Variants in GALM observed in about 807,000 individuals in gnomAD.
GALM encodes aldose 1-epimerase.
A neutral mutation model predicts 37.4 loss-of-function variants in GALM; 43 were observed. That is an observed-to-expected ratio of 1.15 (90% CI 0.90 to 1.48). The LOEUF (loss-of-function observed/expected upper bound fraction) is 1.48, where lower values mean the gene tolerates loss of function less well. Ranked by LOEUF, GALM falls within the 40% of genes most tolerant of loss-of-function variation. The pLI, the probability that GALM is intolerant of heterozygous loss-of-function variation, is 0.00. For synonymous variants in GALM, 199 were observed against 170.6 expected, an observed-to-expected ratio of 1.17 and a Z score of -1.30; for missense variants, 456 against 419.1, an observed-to-expected ratio of 1.09 and a Z score of -0.77.
intron 1 of GALM, among the ~76,000 whole-genome samples, chr2:38,672,224 C>T (rs1211186038): frequency 6.6e-6 from 1 of 152,052 alleles, no homozygotes; most frequent in African/African-American, 2.4e-5. Context: ...TGGCAGAGAG[C>T]GGGAGCTCAG....
At chr2:38,716,217 G>A (rs1666267080) in intron 4 of GALM, among the ~76,000 whole-genome samples, 1 of 152,222 alleles carries the variant, frequency 6.6e-6, no homozygotes. Context: ...TCTGAAAGCT[G>A]TTGATTTGCT....
chr2:38,675,534 T>TG (rs1665230165), intron 1 of GALM, among the ~76,000 whole-genome samples: 2 of 95,192 alleles, frequency 2.1e-5, no homozygotes, highest in African/African-American at 5.3e-5. Flanking sequence ...TTGTTTTTTT[T>TG]TTTTTTTTTT....
At chr2:38,709,933 C>T (rs950533324) in intron 4 of GALM, among the ~76,000 whole-genome samples, 15 of 152,172 alleles carry the variant, frequency 9.9e-5, no homozygotes, top group Middle Eastern at 3.2e-3. Context: ...CTTCTGAGCC[C>T]GACTAGATAA....
chr2:38,703,376 G>T (rs2148444543), intron 4 of GALM, among the ~76,000 whole-genome samples: 1 of 151,384 alleles, frequency 6.6e-6, no homozygotes, highest in South Asian at 2.1e-4. Context: ...AAAATGCTGG[G>T]ATTACAAGCG....
At position 38,713,334 on chromosome 2, in the gene GALM, G is replaced by C. The variant is rs114152099; in HGVS notation, c.635-16222G>C. On this transcript the variant is annotated intron_variant, in intron 4 of 6. Coordinates refer to ENST00000272252, the MANE Select transcript of GALM (RefSeq NM_138801.3). ...CATACTAGAGCAGTCAGTGGCCATT[G>C]GCTGACTGATCCTAACGGCAGATCT... Among the ~76,000 whole-genome samples the C allele has an allele frequency of 3.5e-3, 532 of 152,272 alleles. 2 individuals carry two copies. The highest frequency in any genetic ancestry group is 0.012 in the African/African-American group (517 of 41,552).
In GALM at chr2:38,702,931, T is replaced by TA. The variant is rs529622273; in HGVS notation, c.634+13037_634+13038insA. On this transcript the variant is annotated intron_variant, in intron 4 of 6. Coordinates refer to ENST00000272252, the MANE Select transcript of GALM (RefSeq NM_138801.3). Reference sequence around the variant, plus strand: ...ACACTTTATTTATATATATATACTTTTTATATATATATATATATAATATGT... The same window carrying TA: ...ACACTTTATTTATATATATATACTTTATTATATATATATATATATAATATGT... 6.1e-3 allele frequency among the ~76,000 whole-genome samples: 784 copies of TA among 127,734 alleles called. 7 individuals carry two copies. The highest frequency in any genetic ancestry group is 0.022 in the African/African-American group (733 of 33,926). 83.8% of individuals were successfully genotyped at this position (127,734 alleles called of 152,430 possible).
Position 38,729,650 on chromosome 2 carries a change from C to G in GALM, c.729C>G (p.Asp243Glu). 2 of 1,613,510 alleles carry G rather than the reference C, an allele frequency of 1.2e-6. No homozygotes were observed. Among genetic ancestry groups the G allele is most frequent in the Non-Finnish European group, 1.7e-6 (2 of 1,179,530 alleles). The part of the protein sequence containing the change: ...HLQDFHLNGF[D>E]HNFCLKGSKE... ...AGGACTTCCATCTCAATGGTTTTGA[C>G]CACAATTTCTGTCTGAAGGGATCTA... Residue 243 changes from aspartate (D) to glutamate (E), a missense_variant, in exon 5 of 7, where the codon GAC (aspartate) becomes GAG (glutamate). By Grantham distance (45) the Asp-to-Glu change is conservative. Coordinates refer to ENST00000272252, the MANE Select transcript of GALM (RefSeq NM_138801.3).
At chr2:38,690,869 G>A (rs1157403071) in intron 4 of GALM, among the ~76,000 whole-genome samples, 2 of 152,218 alleles carry the variant, frequency 1.3e-5, no homozygotes, top group East Asian at 3.8e-4. Context: ...CATAAATATA[G>A]TGACTACAAA....
chr2:38,716,984 C>T (rs544061562), intron 4 of GALM, among the ~76,000 whole-genome samples: 3 of 152,356 alleles, frequency 2.0e-5, no homozygotes, highest in South Asian at 2.1e-4. Context: ...GGCACAGTGG[C>T]TCATGCCTGT....
chr2:38,671,623 T>C (rs1665107680), intron 1 of GALM, among the ~76,000 whole-genome samples: 1 of 152,082 alleles, frequency 6.6e-6, no homozygotes, highest in Admixed American at 6.5e-5. Context: ...ATCAGTAACA[T>C]TTGAAGGTAG....
At chr2:38,729,784 A>C (rs1666562667) in intron 5 of GALM, 87 bp downstream of exon 5, 2 of 1,117,062 alleles carry the variant, frequency 1.8e-6, no homozygotes, top group Non-Finnish European at 2.6e-6. Context: ...TGGCCATATC[A>C]ATAGCATTTA....
At chr2:38,716,698 G>A (rs1558593717) in intron 4 of GALM, among the ~76,000 whole-genome samples, 1 of 152,268 alleles carries the variant, frequency 6.6e-6, no homozygotes, top group East Asian at 1.9e-4. Context: ...AACAGAATAA[G>A]CCAGGCACAG....
chr2:38,718,736 T>C lies in GALM; in HGVS notation c.635-10820T>C, dbSNP rs116364578. 8.2e-3 allele frequency among the ~76,000 whole-genome samples: 1,251 copies of C among 151,898 alleles called. 19 individuals are homozygous for C. Among genetic ancestry groups the C allele is most frequent in the African/African-American group, 0.028 (1,155 of 41,424 alleles). ...GTGAAGATGGGCTAGAAAGAGGATC[T>C]GTTGGGAAGGAAGAGTCTAAAAATG... On this transcript the variant is annotated intron_variant, in intron 4 of 6. Transcript: ENST00000272252.
At chr2:38,708,862 T>G (rs1455067198) in intron 4 of GALM, among the ~76,000 whole-genome samples, 1 of 151,994 alleles carries the variant, frequency 6.6e-6, no homozygotes, top group Non-Finnish European at 1.5e-5. Flanking sequence ...GGAGAGGAGC[T>G]GATTTAGGAC....
intron 4 of GALM, among the ~76,000 whole-genome samples, chr2:38,695,738 G>C (rs1318203031): frequency 6.6e-6 from 1 of 152,198 alleles, no homozygotes; most frequent in African/African-American, 2.4e-5. Context: ...CTGTTGCCCA[G>C]GCTGGAGTGC....
chr2:38,721,920 G>A (rs1309770824), intron 4 of GALM, among the ~76,000 whole-genome samples: 2 of 151,694 alleles, frequency 1.3e-5, no homozygotes, highest in South Asian at 2.1e-4. Flanking sequence ...TTCCATGATC[G>A]CTATTCTAGA....
At chr2:38,688,588 C>T (rs550045942) in intron 3 of GALM, among the ~76,000 whole-genome samples, 1 of 152,100 alleles carries the variant, frequency 6.6e-6, no homozygotes, top group Admixed American at 6.6e-5. Flanking sequence ...ACTAGTTTAG[C>T]TCATCTTTGA....
At chr2:38,704,265 T>C (rs1404066978) in intron 4 of GALM, among the ~76,000 whole-genome samples, 1 of 151,798 alleles carries the variant, frequency 6.6e-6, no homozygotes, top group Non-Finnish European at 1.5e-5. Context: ...GTGGTGCAAT[T>C]ATAGCTCACT....
intron 1 of GALM, among the ~76,000 whole-genome samples, chr2:38,673,379 A>G (rs559422343): frequency 7.2e-5 from 11 of 152,342 alleles, no homozygotes; most frequent in African/African-American, 2.2e-4. Context: ...ACAGAAAACA[A>G]TCTCCAGACC....
Sources: gnomAD v4.1 joint callset for allele counts (sites outside exome capture counted in the v4.1 genomes callset) on GRCh38, gnomAD v4.1.1 for gene constraint, MANE v1.5 for transcripts, NCBI Gene and HGNC (gene_info 2026-07-23, HGNC 2026-07-21) for gene names.